SAMD12: variants seen among roughly 807,000 people sequenced by gnomAD.
SAMD12 encodes the protein sterile alpha motif domain containing 12.
In SAMD12, 9 loss-of-function variants were observed where a neutral mutation model predicts 15.0. The ratio of observed to expected loss-of-function variants is 0.60; its 90% CI spans 0.36 to 1.05. The LOEUF is 1.05. Ranked by LOEUF, SAMD12 falls within the 50% of genes least tolerant of loss-of-function variation. The pLI is 0.01. For synonymous variants in SAMD12, 86 were observed against 90.1 expected (o/e 0.96, Z 0.25); for missense variants, 230 against 234.2 (o/e 0.98, Z 0.12).
chr8:118,136,312 G>A, the SAMD12 span, among the ~76,000 whole-genome samples: 3 of 152,154 alleles, frequency 2.0e-5, no homozygotes, highest in Non-Finnish European at 2.9e-5. Flanking sequence ...TTACAGGCAT[G>A]AGCCACCATG....
intron 4 of SAMD12, among the ~76,000 whole-genome samples, chr8:118,306,822 A>G (rs1398588712): frequency 6.6e-6 from 1 of 152,094 alleles, no homozygotes; most frequent in Non-Finnish European, 1.5e-5. Context: ...TCATTAAAGC[A>G]AGGTCCTTGA....
the SAMD12 span, among the ~76,000 whole-genome samples, chr8:118,178,318 C>A: frequency 6.6e-6 from 1 of 152,076 alleles, no homozygotes; most frequent in Non-Finnish European, 1.5e-5. Context: ...CATAGACACA[C>A]TTATGGAAAT....
chr8:118,198,552 A>G (rs1182740406), intron 4 of SAMD12, among the ~76,000 whole-genome samples: 1 of 152,180 alleles, frequency 6.6e-6, no homozygotes, highest in Non-Finnish European at 1.5e-5. Flanking sequence ...CACAGCAGGT[A>G]TTCTTGATGC....
chr8:118,478,031 A>T (rs1274837868), intron 2 of SAMD12, among the ~76,000 whole-genome samples: 1 of 150,690 alleles, frequency 6.6e-6, no homozygotes, highest in Non-Finnish European at 1.5e-5. Flanking sequence ...AAAAAAAAAA[A>T]AGAATTATAT....
intron 4 of SAMD12, among the ~76,000 whole-genome samples, chr8:118,270,397 A>G (rs1813326638): frequency 6.6e-6 from 1 of 152,130 alleles, no homozygotes; most frequent in African/African-American, 2.4e-5. Flanking sequence ...GAAGTAGCCG[A>G]GTCCTCTTGC....
chr8:118,391,844 G>C (rs568305069), intron 3 of SAMD12, among the ~76,000 whole-genome samples: 7 of 151,800 alleles, frequency 4.6e-5, no homozygotes, highest in Non-Finnish European at 8.8e-5. Flanking sequence ...AGAAATGTAA[G>C]ACCAGCAGGT....
the SAMD12 span, among the ~76,000 whole-genome samples, chr8:118,132,963 T>TGGGG: frequency 1.7e-5 from 1 of 60,560 alleles, no homozygotes; most frequent in African/African-American, 9.3e-5. Context: ...CTAACATATG[T>TGGGG]GTGTGTGTGT....
intron 1 of SAMD12, among the ~76,000 whole-genome samples, chr8:118,618,591 GCA>G (rs1393232001): frequency 6.6e-6 from 1 of 152,092 alleles, no homozygotes; most frequent in Non-Finnish European, 1.5e-5. Context: ...TGTAATCCCA[GCA>G]CTTTGGGAGG....
chr8:118,490,676 G>C (rs78230748), intron 2 of SAMD12, among the ~76,000 whole-genome samples: 318 of 152,236 alleles, frequency 2.1e-3, no homozygotes, highest in African/African-American at 7.2e-3. Context: ...TCTCAGGTGT[G>C]ACCAGCATCT....
At chr8:118,287,947 G>A (rs1182078066) in intron 4 of SAMD12, among the ~76,000 whole-genome samples, 3 of 152,158 alleles carry the variant, frequency 2.0e-5, no homozygotes, top group African/African-American at 7.2e-5. Context: ...GACATGGAAA[G>A]CTTCTGCTTT....
downstream of SAMD12, among the ~76,000 whole-genome samples, chr8:118,187,457 CATTTAAGG>C (rs1292119445): frequency 6.6e-6 from 1 of 152,168 alleles, no homozygotes; most frequent in Non-Finnish European, 1.5e-5. Context: ...AACTAAAATG[CATTTAAGG>C]ATTTCTCTAG....
intron 4 of SAMD12, among the ~76,000 whole-genome samples, chr8:118,214,717 A>T (rs139823979): frequency 6.6e-6 from 1 of 152,342 alleles, no homozygotes; most frequent in Non-Finnish European, 1.5e-5. Context: ...TTCAATACAA[A>T]TAACTGTTGT....
At chr8:118,559,563 G>A (rs1826648241) in intron 2 of SAMD12, among the ~76,000 whole-genome samples, 1 of 152,178 alleles carries the variant, frequency 6.6e-6, no homozygotes, top group Admixed American at 6.5e-5. Context: ...AACTTGTAGT[G>A]GGAGGGCTTT....
chr8:118,355,084 C>T (rs1338284312), intron 4 of SAMD12, among the ~76,000 whole-genome samples: 2 of 152,208 alleles, frequency 1.3e-5, no homozygotes, highest in African/African-American at 4.8e-5. Context: ...AAGATACTTG[C>T]ACATGCATGC....
chr8:118,367,578 C>G (rs1488121080), intron 4 of SAMD12, among the ~76,000 whole-genome samples: 1 of 152,176 alleles, frequency 6.6e-6, no homozygotes, highest in Non-Finnish European at 1.5e-5. Context: ...CAAGAGATAT[C>G]ACATATATTG....
chr8:118,536,185 T>C (rs1386666456), intron 2 of SAMD12, among the ~76,000 whole-genome samples: 10 of 152,130 alleles, frequency 6.6e-5, no homozygotes, highest in Non-Finnish European at 1.3e-4. Context: ...TATTAGGATA[T>C]AGGATACCAA....
At position 118,347,670 on chromosome 8, in the gene SAMD12, A is replaced by G. The variant is rs1218690079; in HGVS notation, c.433+31890T>C. Among the ~76,000 whole-genome samples the G allele has an allele frequency of 3.3e-5, 5 of 152,398 alleles. No individual in the cohort carries two copies. In the East Asian group the frequency reaches 9.6e-4, roughly 29 times the overall value. ...ATAATATTTTTTAAAAAGAACACTT[A>G]TAACATCCTGTTGATACAAATGTTC... On this transcript the variant is annotated intron_variant, in intron 4 of 4. Transcript: ENST00000409003.
chr8:118,165,430 A>AT, the SAMD12 span, among the ~76,000 whole-genome samples: 1 of 151,626 alleles, frequency 6.6e-6, no homozygotes, highest in Non-Finnish European at 1.5e-5. Context: ...TAATTTTTGT[A>AT]TTTTTAGTAG....
chr8:118,517,252 AT>A (rs749997317), intron 2 of SAMD12, among the ~76,000 whole-genome samples: 3 of 152,198 alleles, frequency 2.0e-5, no homozygotes, highest in Non-Finnish European at 4.4e-5. Flanking sequence ...AACTGAAACC[AT>A]TTTGGGTACA....
Sources: allele counts gnomAD v4.1 joint callset (sites outside exome capture counted in the v4.1 genomes callset), GRCh38; gene constraint gnomAD v4.1.1; transcripts MANE v1.5; gene names NCBI Gene and HGNC (gene_info 2026-07-23, HGNC 2026-07-21).